SERPINA9: variants seen among roughly 807,000 people sequenced by gnomAD.
SERPINA9 encodes serpin family A member 9.
In SERPINA9, 32 loss-of-function variants were observed where a neutral mutation model predicts 24.5. The observed-to-expected ratio is 1.30, with a 90% CI of 0.98 to 1.75. The LOEUF (loss-of-function observed/expected upper bound fraction) is 1.75, where lower values mean the gene tolerates loss of function less well. Among genes scored for constraint, SERPINA9 ranks in the 40% most tolerant of loss-of-function variants. The pLI is 0.00. For synonymous variants in SERPINA9, 233 were observed against 197.7 expected, an observed-to-expected ratio of 1.18 and a Z score of -1.50; for missense variants, 594 against 497.1, an observed-to-expected ratio of 1.19 and a Z score of -1.85.
At position 94,464,717 on chromosome 14, in the gene SERPINA9, T is replaced by C; in HGVS notation, c.1040A>G (p.Gln347Arg). ...TTTCATTCAACTCACTTTAGAAACC[T>C]GCAGGGAGTCTCTCTTTGCAATTCC... ...FSGIAKRDSL[Q>R]VSKATHKAVL... Residue 347 changes from glutamine (Q) to arginine (R), a missense_variant, in exon 4 of 5, where the codon CAG (glutamine) becomes CGG (arginine). Transcript: ENST00000674397. 6.2e-7 allele frequency: 1 copy of C among 1,613,322 alleles called. No individual in the cohort carries two copies. The highest frequency in any genetic ancestry group is 1.1e-5 in the South Asian group (1 of 90,904).
intron 2 of SERPINA9, among the ~76,000 whole-genome samples, chr14:94,467,762 C>T (rs1000509602): frequency 6.6e-6 from 1 of 151,714 alleles, no homozygotes; most frequent in African/African-American, 2.4e-5. Context: ...AGATGAATAG[C>T]TAATGGATAA....
chr14:94,475,970 A>T (rs1899621755), intron 1 of SERPINA9, 166 bp downstream of exon 1: 1 of 1,001,504 alleles, frequency 1.0e-6, no homozygotes, highest in East Asian at 2.4e-5. Flanking sequence ...CTGTATCCAC[A>T]AAAATGTGAC....
At position 94,467,308 on chromosome 14, in the gene SERPINA9, C is replaced by G. The variant is rs764890158; in HGVS notation, c.703G>C (p.Val235Leu). 1 of 1,614,096 alleles carries G rather than the reference C, an allele frequency of 6.2e-7. No individual in the cohort carries two copies. Among genetic ancestry groups the G allele is most frequent in the Admixed American group, 1.7e-5 (1 of 60,020 alleles). Residue 235 changes from valine (V) to leucine (L), a missense_variant, in exon 3 of 5, where the codon GTG becomes CTG. Val to Leu is a conservative substitution (Grantham distance 32, BLOSUM62 1). Coordinates refer to ENST00000674397, the MANE Select transcript of SERPINA9 (RefSeq NM_175739.4). Reference protein sequence around the residue: ...FPFLVGEQVTVHVPMMHQKEQ... With the variant: ...FPFLVGEQVTLHVPMMHQKEQ... ...TTCTGGTGCATCATGGGGACATGCACAGTGACCTGCTCGCCCACCAGGAAT... is the reference window on the plus strand; with the variant it reads ...TTCTGGTGCATCATGGGGACATGCAGAGTGACCTGCTCGCCCACCAGGAAT...
chr14:94,469,863 A>G lies in SERPINA9; in HGVS notation c.-17-6T>C, dbSNP rs2139812750. 4.0e-6 allele frequency: 6 copies of G among 1,508,182 alleles called. No individual in the cohort carries two copies. The highest frequency in any genetic ancestry group is 2.3e-5 in the Admixed American group (1 of 43,942). 93.4% of individuals were successfully genotyped at this position (1,508,182 alleles called of 1,614,324 possible). A position where few individuals can be genotyped will look rare whatever the true frequency, so the allele number is the denominator to read the frequency against. On this transcript the variant is annotated splice_region_variant and splice_polypyrimidine_tract_variant and intron_variant, in intron 1 of 4. Coordinates refer to ENST00000674397, the MANE Select transcript of SERPINA9 (RefSeq NM_175739.4). ...CATTTTGGAACAAAATATGTCTGCAAGAGAAGTAAGAACCATTGAGGGGGT... is the reference window on the plus strand; with the variant it reads ...CATTTTGGAACAAAATATGTCTGCAGGAGAAGTAAGAACCATTGAGGGGGT...
At chr14:94,471,575 T>C (rs1899319134) in intron 1 of SERPINA9, among the ~76,000 whole-genome samples, 2 of 152,214 alleles carry the variant, frequency 1.3e-5, no homozygotes, top group Admixed American at 1.3e-4. Flanking sequence ...CATTTCCACT[T>C]ATGTGATTGG....
intron 4 of SERPINA9, 152 bp from the exon 5 acceptor site, chr14:94,463,448 T>C: frequency 1.5e-6 from 1 of 663,074 alleles, no homozygotes; most frequent in Non-Finnish European, 2.6e-6. Flanking sequence ...ACTCAATACA[T>C]TGCAGTGGGT....
chr14:94,463,093 C>G lies in SERPINA9; in HGVS notation c.1254G>C (p.Ter418TyrextTer17). The change falls in exon 5 of 5, where the codon TAG becomes TAC. Residue 418 changes from the stop codon to tyrosine (Y), a stop_lost. Coordinates refer to ENST00000674397, the MANE Select transcript of SERPINA9 (RefSeq NM_175739.4). ...LGKVENPTKS[*>Y] ...CATCAGTTAACAGGCCATTTCCCAC[C>G]TAGGATTTAGTGGGATTTTCCACTT... 2.5e-6 allele frequency: 4 copies of G among 1,609,894 alleles called. No individual in the cohort carries two copies. Among genetic ancestry groups the G allele is most frequent in the Non-Finnish European group, 3.4e-6 (4 of 1,176,130 alleles).
At chr14:94,474,262 C>T (rs8021812) in intron 1 of SERPINA9, among the ~76,000 whole-genome samples, 6 of 152,326 alleles carry the variant, frequency 3.9e-5, no homozygotes, top group Non-Finnish European at 5.9e-5. Flanking sequence ...CTAAAGAATC[C>T]GCATTCCCAT....
Position 94,473,510 on chromosome 14 carries a change from A to C in SERPINA9, c.-18+2626T>G, listed in dbSNP as rs1899427266. Among the ~76,000 whole-genome samples the C allele has an allele frequency of 3.0e-5, 4 of 134,294 alleles. No individual in the cohort carries two copies. In the Admixed American group the frequency reaches 3.0e-4, roughly 10 times the overall value. 88.1% of individuals were successfully genotyped at this position (134,294 alleles called of 152,430 possible). ...CTCCAGCCTGGGCAACAAGAGTGAA[A>C]CTCTGTCTCAAAAAAAAAAAAAAAA... On this transcript the variant is annotated intron_variant, in intron 1 of 4. Coordinates refer to ENST00000674397, the MANE Select transcript of SERPINA9 (RefSeq NM_175739.4).
At chr14:94,471,511 A>G (rs760749321) in intron 1 of SERPINA9, among the ~76,000 whole-genome samples, 1 of 152,218 alleles carries the variant, frequency 6.6e-6, no homozygotes, top group Non-Finnish European at 1.5e-5. Flanking sequence ...GGAACTTTAT[A>G]AAGAACCCTT....
rs1162781251 is a variant in SERPINA9 at position 94,467,104 on chromosome 14, C to G, written c.902+5G>C. 2 of 1,612,028 alleles carry G rather than the reference C, an allele frequency of 1.2e-6. No individual in the cohort carries two copies. Among genetic ancestry groups the G allele is most frequent in the South Asian group, 2.2e-5 (2 of 90,896 alleles). ...AGGGCCCAGGAGATTGACACAGATG[C>G]CCACCTTTTCTGGAGTGAGTGGCTC... On this transcript the variant is annotated splice_donor_5th_base_variant and intron_variant, in intron 3 of 4. Coordinates refer to ENST00000674397, the MANE Select transcript of SERPINA9 (RefSeq NM_175739.4).
Position 94,467,412 on chromosome 14 carries a change from T to A in SERPINA9, c.629-30A>T, listed in dbSNP as rs1419311788. 1.9e-6 allele frequency: 3 copies of A among 1,565,416 alleles called. No individual in the cohort carries two copies. In the African/African-American group the frequency reaches 4.1e-5, roughly 21 times the overall value. Reference sequence around the variant, plus strand: ...CACAAAGAGAGAAAAGAAGTCTTTATGTCAAAGTACAATTAGTGAGGCAAA... The same window carrying A: ...CACAAAGAGAGAAAAGAAGTCTTTAAGTCAAAGTACAATTAGTGAGGCAAA... On this transcript the variant is annotated intron_variant, in intron 2 of 4. Transcript: ENST00000674397.
chr14:94,465,817 A>G (rs1383850220), intron 3 of SERPINA9, among the ~76,000 whole-genome samples: 1 of 152,202 alleles, frequency 6.6e-6, no homozygotes, highest in Non-Finnish European at 1.5e-5. Context: ...GCGTGAGTCC[A>G]GCCTGAACAT....
At chr14:94,475,307 C>T (rs886942788) in intron 1 of SERPINA9, among the ~76,000 whole-genome samples, 1 of 152,160 alleles carries the variant, frequency 6.6e-6, no homozygotes, top group African/African-American at 2.4e-5. Context: ...GCTCACTCTC[C>T]CATTTTCAGG....
At chr14:94,463,338 AC>A in intron 4 of SERPINA9, 42 bp from the exon 5 acceptor site, 1 of 1,563,014 alleles carries the variant, frequency 6.4e-7, no homozygotes, top group Non-Finnish European at 8.8e-7. Flanking sequence ...TAGTGGAGAC[AC>A]TTTTACTTAA....
chr14:94,472,692 AGT>A (rs755578713), intron 1 of SERPINA9, among the ~76,000 whole-genome samples: 6 of 152,076 alleles, frequency 3.9e-5, no homozygotes, highest in Non-Finnish European at 7.4e-5. Flanking sequence ...AGACACAAGA[AGT>A]GTGTGTGTGT....
Position 94,469,584 on chromosome 14 carries a change from G to T in SERPINA9, c.257C>A (p.Ala86Asp). 6.2e-7 allele frequency: 1 copy of T among 1,614,154 alleles called. No homozygotes were observed. Among genetic ancestry groups the T allele is most frequent in the East Asian group, 2.2e-5 (1 of 44,880 alleles). The change falls in exon 2 of 5, where the codon GCC (alanine) becomes GAC (aspartate). Residue 86 changes from alanine (A) to aspartate (D), a missense_variant. Coordinates refer to ENST00000674397, the MANE Select transcript of SERPINA9 (RefSeq NM_175739.4). ...STSLAMLSLG[A>D]HSVTKTQILQ... Reference sequence around the variant, plus strand: ...AATCTGGGTCTTGGTGACTGAGTGGGCCCCAAGGGAGAGCATGGCCAGGGA... The same window carrying T: ...AATCTGGGTCTTGGTGACTGAGTGGTCCCCAAGGGAGAGCATGGCCAGGGA...
chr14:94,475,044 C>T (rs1286263712), intron 1 of SERPINA9, among the ~76,000 whole-genome samples: 1 of 152,172 alleles, frequency 6.6e-6, no homozygotes, highest in Non-Finnish European at 1.5e-5. Context: ...CTCAATTCCA[C>T]CCCATCCCCT....
chr14:94,468,275 T>C (rs1165464873), intron 2 of SERPINA9, among the ~76,000 whole-genome samples: 1 of 152,090 alleles, frequency 6.6e-6, no homozygotes, highest in Non-Finnish European at 1.5e-5. Context: ...GATAGATGAA[T>C]ACGTTAATGG....
Sources: gnomAD v4.1 joint callset for allele counts (sites outside exome capture counted in the v4.1 genomes callset) on GRCh38, gnomAD v4.1.1 for gene constraint, MANE v1.5 for transcripts, NCBI Gene and HGNC (gene_info 2026-07-23, HGNC 2026-07-21) for gene names.